The following CEMIP variants were observed in gnomAD, a reference collection of about 807,000 sequenced individuals.
CEMIP encodes the protein cell migration-inducing and hyaluronan-binding protein.
In CEMIP, 105 loss-of-function variants were observed where a neutral mutation model predicts 156.9. The ratio of observed to expected loss-of-function variants is 0.67; its 90% CI spans 0.57 to 0.79. CEMIP has a LOEUF of 0.79. Ranked by LOEUF, CEMIP falls within the 30% of genes least tolerant of loss-of-function variation. CEMIP has a pLI of 0.00. For synonymous variants in CEMIP, 676 were observed against 668.4 expected (o/e 1.01, Z -0.17); for missense variants, 1,457 against 1,769.4 (o/e 0.82, Z 3.17).
In CEMIP at chr15:80,795,941, A is replaced by G. The variant is rs928927047; in HGVS notation, c.-176+16327A>G. Among the ~76,000 whole-genome samples, 5 of 152,242 alleles carry G rather than the reference A, an allele frequency of 3.3e-5. No individual in the cohort carries two copies. In the East Asian group the frequency reaches 5.8e-4, roughly 18 times the overall value. On this transcript the variant is annotated intron_variant, in intron 1 of 29. Transcript: ENST00000394685. ...GATAAGAGAATTTTAAATGATATGG[A>G]GTTTTTTGTTATTATCTCTGAGGAA...
intron 12 of CEMIP, chr15:80,897,181 C>T (rs1028586551): frequency 2.3e-6 from 1 of 442,242 alleles, no homozygotes; most frequent in East Asian, 7.1e-5. Context: ...AGGACCATAC[C>T]ACCTGGAGGA....
At chr15:80,857,292 C>G (rs1004044166) in intron 1 of CEMIP, among the ~76,000 whole-genome samples, 1 of 152,210 alleles carries the variant, frequency 6.6e-6, no homozygotes, top group Non-Finnish European at 1.5e-5. Context: ...CTTCCAGGCA[C>G]AGCAGGTGCC....
chr15:80,816,555 G>C (rs1370673240), intron 1 of CEMIP, among the ~76,000 whole-genome samples: 1 of 152,026 alleles, frequency 6.6e-6, no homozygotes, highest in Non-Finnish European at 1.5e-5. Context: ...TTGTCCTCTG[G>C]GAAGCCCTCC....
In CEMIP at chr15:80,847,083, C is replaced by A. The variant is rs560963218; in HGVS notation, c.-175-26455C>A. On this transcript the variant is annotated intron_variant, in intron 1 of 29. Coordinates refer to ENST00000394685, the MANE Select transcript of CEMIP (RefSeq NM_001293298.2). Reference sequence around the variant, plus strand: ...GGCAGGACAGGGTCTCGCTGTGCCACGCAGGCTGGAGTGCAGTGGCACAAT... The same window carrying A: ...GGCAGGACAGGGTCTCGCTGTGCCAAGCAGGCTGGAGTGCAGTGGCACAAT... 5.3e-5 allele frequency among the ~76,000 whole-genome samples: 8 copies of A among 152,266 alleles called. No individual in the cohort carries two copies. The South Asian group carries it at 1.7e-3, about 32-fold the overall frequency.
At chr15:80,838,716 T>G (rs1390034293) in intron 1 of CEMIP, among the ~76,000 whole-genome samples, 1 of 152,188 alleles carries the variant, frequency 6.6e-6, no homozygotes, top group Admixed American at 6.5e-5. Context: ...TGGCAACCAC[T>G]ATTGACACAG....
chr15:80,849,669 CAGAGAGAGAG>C lies in CEMIP; in HGVS notation c.-175-23858_-175-23849del, dbSNP rs151265419. 2.1e-3 allele frequency among the ~76,000 whole-genome samples: 321 copies of C among 150,174 alleles called. 1 individual carries two copies. The highest frequency in any genetic ancestry group is 7.3e-3 in the African/African-American group (300 of 40,974). On this transcript the variant is annotated intron_variant, in intron 1 of 29. Transcript: ENST00000394685. Reference sequence around the variant, plus strand: ...CTGTGTGGTTGAGCAGAATGACCACCAGAGAGAGAGAGAGAGAGAGTAAGCAAGTAGGTTA... The same window carrying C: ...CTGTGTGGTTGAGCAGAATGACCACCAGAGAGAGAGTAAGCAAGTAGGTTA...
chr15:80,924,365 T>A (rs1484934585), intron 17 of CEMIP, among the ~76,000 whole-genome samples: 4 of 152,200 alleles, frequency 2.6e-5, no homozygotes, highest in Admixed American at 6.5e-5. Flanking sequence ...TTGGACAACA[T>A]ACATAACCTC....
intron 1 of CEMIP, among the ~76,000 whole-genome samples, chr15:80,863,683 A>T (rs1364121074): frequency 6.6e-6 from 1 of 152,190 alleles, no homozygotes; most frequent in African/African-American, 2.4e-5. Context: ...AAGAGAAAAA[A>T]CATTGAAATC....
chr15:80,947,056 A>C lies in CEMIP; in HGVS notation c.3949A>C (p.Lys1317Gln), dbSNP rs1410519425. The change falls in exon 29 of 30, where the codon AAG (lysine) becomes CAG (glutamine). Residue 1317 changes from lysine (K) to glutamine (Q), a missense_variant. Lys to Gln is a moderately conservative substitution (Grantham distance 53). Transcript: ENST00000394685. ...LEKLGADRGL[K>Q]LKEQMAFVGF... ...AAAGCTTGGGGCAGACAGGGGTCTC[A>C]AGTTGAAAGGTAAGGGTTTGAACTG... 6.2e-7 allele frequency: 1 copy of C among 1,611,930 alleles called. No individual in the cohort carries two copies. Among genetic ancestry groups the C allele is most frequent in the Non-Finnish European group, 8.5e-7 (1 of 1,178,008 alleles).
intron 1 of CEMIP, among the ~76,000 whole-genome samples, chr15:80,862,083 C>T (rs146887345): frequency 3.7e-4 from 57 of 152,372 alleles, no homozygotes; most frequent in African/African-American, 1.3e-3. Flanking sequence ...CCTGCCTGAA[C>T]GAGAGCCAGC....
intron 1 of CEMIP, among the ~76,000 whole-genome samples, chr15:80,802,883 A>G (rs1896413669): frequency 6.6e-6 from 1 of 152,206 alleles, no homozygotes; most frequent in African/African-American, 2.4e-5. Flanking sequence ...TTGTAAAGGA[A>G]TGGTGAGGAC....
chr15:80,846,540 G>A (rs967134078), intron 1 of CEMIP, among the ~76,000 whole-genome samples: 1 of 152,218 alleles, frequency 6.6e-6, no homozygotes, highest in Non-Finnish European at 1.5e-5. Flanking sequence ...CAGGATGTGT[G>A]CAAGCTCATC....
intron 17 of CEMIP, 119 bp downstream of exon 17, chr15:80,922,256 C>T: frequency 1.5e-6 from 2 of 1,351,114 alleles, no homozygotes; most frequent in South Asian, 2.4e-5. Flanking sequence ...ATTCTTAATG[C>T]TGGTCTCGAA....
At chr15:80,839,109 A>T (rs1276926966) in intron 1 of CEMIP, among the ~76,000 whole-genome samples, 1 of 152,154 alleles carries the variant, frequency 6.6e-6, no homozygotes, top group Non-Finnish European at 1.5e-5. Context: ...TCGGGGTAGC[A>T]GGAGAGGAGG....
At chr15:80,790,168 A>C (rs1896045200) in intron 1 of CEMIP, among the ~76,000 whole-genome samples, 1 of 152,226 alleles carries the variant, frequency 6.6e-6, no homozygotes, top group South Asian at 2.1e-4. Context: ...GCTCAAAGGC[A>C]GAGACTTTTC....
At position 80,932,109 on chromosome 15, in the gene CEMIP, T is replaced by C; in HGVS notation, c.2793+70T>C. ...GATGGTGATTCACAAGTCCCCTGGG[T>C]CCCAGAGTTTGAGCTATTGCCACCA... is the stretch of plus-strand genomic sequence containing the variant. On this transcript the variant is annotated intron_variant, in intron 22 of 29. Transcript: ENST00000394685. This position sits in a 1 kb window ranked among gnomAD's most constrained non-coding sequence, Gnocchi z 4.5. The C allele has an allele frequency of 6.4e-7, 1 of 1,571,606 alleles. No individual in the cohort carries two copies. Among genetic ancestry groups the C allele is most frequent in the Non-Finnish European group, 8.7e-7 (1 of 1,153,414 alleles).
chr15:80,944,383 G>T (rs1028726924), intron 28 of CEMIP, among the ~76,000 whole-genome samples: 1 of 152,140 alleles, frequency 6.6e-6, no homozygotes, highest in East Asian at 1.9e-4. Flanking sequence ...TCTCAATGTT[G>T]GGGCCATGTC....
chr15:80,842,986 A>T (rs999190313), intron 1 of CEMIP, among the ~76,000 whole-genome samples: 5 of 152,194 alleles, frequency 3.3e-5, no homozygotes, highest in Admixed American at 1.3e-4. Flanking sequence ...TCACCAACTG[A>T]AAGCAGAAGC....
At chr15:80,892,066 T>G (rs185974019) in intron 10 of CEMIP, among the ~76,000 whole-genome samples, 30 of 152,288 alleles carry the variant, frequency 2.0e-4, no homozygotes, top group Admixed American at 5.9e-4. Context: ...AAATGCAGTT[T>G]TTCTCTGGTC....
Sources: allele counts gnomAD v4.1 joint callset (sites outside exome capture counted in the v4.1 genomes callset), GRCh38; gene constraint gnomAD v4.1.1; non-coding constraint Gnocchi (gnomAD v3.1); transcripts MANE v1.5; gene names NCBI Gene and HGNC (gene_info 2026-07-23, HGNC 2026-07-21).